Variants in COA1 observed in about 807,000 individuals in gnomAD.
The protein encoded by COA1 is cytochrome c oxidase assembly factor 1.
Under a neutral mutation model 16.0 loss-of-function variants are expected in COA1, and 13 were observed. That is an observed-to-expected ratio of 0.81 (90% CI 0.53 to 1.29). The LOEUF (loss-of-function observed/expected upper bound fraction) is 1.29. Among genes scored for constraint, COA1 ranks in the 50% most tolerant of loss-of-function variants. The pLI is 0.00. For synonymous variants in COA1, 65 were observed against 65.7 expected (o/e 0.99, Z 0.05); for missense variants, 179 against 177.0 (o/e 1.01, Z -0.06).
chr7:43,654,965 C>T (rs759482278), intron 1 of COA1, among the ~76,000 whole-genome samples: 15 of 152,060 alleles, frequency 9.9e-5, no homozygotes, highest in Admixed American at 2.0e-4. Flanking sequence ...GGAACAAACT[C>T]AAGATATTCT....
intron 4 of COA1, chr7:43,641,130 GTGAC>G (rs2086942670): frequency 6.6e-6 from 1 of 152,128 alleles, no homozygotes; most frequent in African/African-American, 2.4e-5. Flanking sequence ...AAAAAGAAAA[GTGAC>G]TGCCTCTGGT....
At chr7:43,700,547 T>TATATAC (rs1257623132) in intron 1 of COA1, among the ~76,000 whole-genome samples, 22 of 150,162 alleles carry the variant, frequency 1.5e-4, no homozygotes, top group Admixed American at 4.7e-4. Context: ...TATATATATA[T>TATATAC]ACATACACGT....
At chr7:43,657,912 C>T (rs2091953678) in intron 1 of COA1, among the ~76,000 whole-genome samples, 1 of 152,096 alleles carries the variant, frequency 6.6e-6, no homozygotes, top group South Asian at 2.1e-4. Context: ...AGGTGCTCAA[C>T]ATTATATGTT....
At chr7:43,675,737 TAG>T (rs1340240632) in intron 1 of COA1, among the ~76,000 whole-genome samples, 3 of 152,138 alleles carry the variant, frequency 2.0e-5, no homozygotes, top group East Asian at 3.9e-4. Context: ...CTCTGAATTG[TAG>T]AGAGATGTCA....
intron 1 of COA1, chr7:43,650,518 G>A (rs2090521650): frequency 6.6e-6 from 1 of 152,148 alleles, no homozygotes; most frequent in African/African-American, 2.4e-5. Flanking sequence ...ATTTCCTCAA[G>A]GTGCCACATA....
chr7:43,710,142 G>C (rs1372319012), intron 1 of COA1, among the ~76,000 whole-genome samples: 1 of 151,636 alleles, frequency 6.6e-6, no homozygotes, highest in African/African-American at 2.4e-5. Context: ...TAGAGGTCAG[G>C]AGTTTGAGAC....
chr7:43,726,301 T>C (rs973029425), intron 1 of COA1, among the ~76,000 whole-genome samples: 2 of 152,196 alleles, frequency 1.3e-5, no homozygotes, highest in African/African-American at 4.8e-5. Context: ...GGGACTCAGA[T>C]GTCACACTAA....
At chr7:43,691,313 GAAAGAAAGAA>G (rs2094304450) in intron 1 of COA1, among the ~76,000 whole-genome samples, 7 of 99,794 alleles carry the variant, frequency 7.0e-5, no homozygotes, top group East Asian at 6.2e-4. Context: ...AAGAAAGAAA[GAAAGAAAGAA>G]AGAAAGAGAA....
At chr7:43,710,132 T>G (rs918138706) in intron 1 of COA1, among the ~76,000 whole-genome samples, 2 of 151,590 alleles carry the variant, frequency 1.3e-5, no homozygotes, top group African/African-American at 4.8e-5. Context: ...GGCGGATCAC[T>G]AGAGGTCAGG....
intron 1 of COA1, among the ~76,000 whole-genome samples, chr7:43,704,336 T>G (rs150890413): frequency 3.0e-4 from 46 of 152,322 alleles, no homozygotes; most frequent in African/African-American, 1.1e-3. Context: ...AGGGCTTCTC[T>G]GAACTTCCTA....
intron 6 of COA1, chr7:43,623,201 T>G (rs1347264622): frequency 1.1e-5 from 2 of 174,598 alleles, no homozygotes; most frequent in Non-Finnish European, 2.4e-5. Context: ...GTGCCACGGG[T>G]GAGGGTGGGG....
chr7:43,644,779 C>T (rs1470020542), intron 4 of COA1, among the ~76,000 whole-genome samples: 41 of 71,228 alleles, frequency 5.8e-4, no homozygotes, highest in African/African-American at 1.9e-3. Flanking sequence ...GGCAGGCAGG[C>T]AGGCAGGCAG....
intron 6 of COA1, chr7:43,632,435 G>C (rs1375489099): frequency 1.3e-5 from 2 of 152,150 alleles, no homozygotes; most frequent in Non-Finnish European, 2.9e-5. Flanking sequence ...AATTAATGTT[G>C]ATATTTTGAC....
chr7:43,623,933 T>G lies in COA1; in HGVS notation c.*134-14438A>C, dbSNP rs760483924. 1.9e-5 allele frequency: 24 copies of G among 1,287,564 alleles called. No individual in the cohort carries two copies. In the African/African-American group the frequency reaches 3.3e-4, roughly 18 times the overall value. The allele number at this position is 1,287,564 out of a possible 1,614,324, so 79.8% of individuals were successfully genotyped here. On this transcript the variant is annotated intron_variant and NMD_transcript_variant, in intron 6 of 6. Coordinates refer to the COA1 transcript ENST00000415076. ...GTTTAATATTGAACTAATTCAATAT[T>G]AAAAAATTCAGTATTAAAAAACTGA...
At chr7:43,619,557 A>G (rs368048390) in intron 6 of COA1, 2 of 1,600,698 alleles carry the variant, frequency 1.2e-6, no homozygotes, top group African/African-American at 2.7e-5. Context: ...GTACTTAATC[A>G]TAGTTATATT....
intron 1 of COA1, among the ~76,000 whole-genome samples, chr7:43,728,845 T>C (rs1384008376): frequency 6.6e-6 from 1 of 152,142 alleles, no homozygotes; most frequent in Admixed American, 6.5e-5. Context: ...AGAATCTCCA[T>C]AGATTTTTTT....
chr7:43,682,997 C>T (rs2093839410), intron 1 of COA1, among the ~76,000 whole-genome samples: 1 of 152,060 alleles, frequency 6.6e-6, no homozygotes, highest in Non-Finnish European at 1.5e-5. Context: ...TACAGGTGCC[C>T]ACCGCCACGC....
intron 1 of COA1, among the ~76,000 whole-genome samples, chr7:43,671,115 C>T (rs528886133): frequency 6.6e-6 from 1 of 152,210 alleles, no homozygotes; most frequent in African/African-American, 2.4e-5. Context: ...CTTCCTAACA[C>T]CATACACAAA....
chr7:43,718,867 T>G (rs986903582), intron 1 of COA1, among the ~76,000 whole-genome samples: 1 of 152,162 alleles, frequency 6.6e-6, no homozygotes, highest in South Asian at 2.1e-4. Context: ...CTCTACACTA[T>G]GTTGATGTTG....
Sources: gnomAD v4.1 joint callset for allele counts (sites outside exome capture counted in the v4.1 genomes callset) on GRCh38, gnomAD v4.1.1 for gene constraint, MANE v1.5 for transcripts, NCBI Gene and HGNC (gene_info 2026-07-23, HGNC 2026-07-21) for gene names.